The following ANK2 variants were observed in gnomAD, a reference collection of about 807,000 sequenced individuals.
ANK2 encodes ankyrin-2.
ANK2 carries 83 observed loss-of-function variants against 360.5 expected under a neutral mutation model. The ratio of observed to expected loss-of-function variants is 0.23; its 90% confidence interval spans 0.19 to 0.28. ANK2 has a LOEUF of 0.28. ANK2 is among the 10% of genes least tolerant of loss of function. The probability of loss-of-function intolerance (pLI) is 1.00; values close to 1 mark genes in which losing one functional copy is unlikely to be tolerated. For missense variants in ANK2, 4,201 were observed against 4,795.7 expected, an observed-to-expected ratio of 0.88 and a Z score of 3.66; for synonymous variants, 1,740 against 1,759.5, an observed-to-expected ratio of 0.99 and a Z score of 0.28.
intron 40 of ANK2, 148 bp from the exon 41 acceptor site, chr4:113,364,891 C>T (rs2154051829): frequency 9.8e-7 from 1 of 1,020,476 alleles, no homozygotes; most frequent in South Asian, 1.5e-5. Context: ...TCTCTTTTGT[C>T]TGTTGGCTTA....
intron 5 of ANK2, 63 bp from the exon 6 acceptor site, chr4:113,236,923 CT>C: frequency 6.6e-7 from 1 of 1,524,708 alleles, no homozygotes; most frequent in Non-Finnish European, 9.1e-7. Flanking sequence ...GGCATCATTG[CT>C]TAGAACTAAA....
In ANK2 at chr4:113,358,602, T is replaced by C. The variant is rs1554570983; in HGVS notation, c.9984T>C (p.Asp3328=). The C allele has an allele frequency of 6.2e-7, 1 of 1,614,014 alleles. No homozygotes were observed. Among genetic ancestry groups the C allele is most frequent in the South Asian group, 1.1e-5 (1 of 91,072 alleles). The change falls in exon 38 of 46, where the codon GAT becomes GAC. Residue 3328 remains aspartate, a synonymous_variant. Coordinates refer to ENST00000357077, the MANE Select transcript of ANK2 (RefSeq NM_001148.6). ...AGTATGAGAGTTCAGTTTCTGAAGA[T>C]TTTCTATCCAGTGTAGATGAGGAAA... ...SAEYESSVSE[D]FLSSVDEENK...
chr4:112,732,536 G>C, the ANK2 span, among the ~76,000 whole-genome samples: 3 of 152,120 alleles, frequency 2.0e-5, no homozygotes, highest in Non-Finnish European at 4.4e-5. Flanking sequence ...CCTGTGCCCA[G>C]CCAGAGTAGG....
intron 35 of ANK2, among the ~76,000 whole-genome samples, chr4:113,347,434 T>C (rs1199098104): frequency 3.9e-5 from 6 of 152,080 alleles, no homozygotes; most frequent in African/African-American, 1.4e-4. Context: ...GACAAAGAAA[T>C]ATGTACTGCT....
At chr4:112,828,468 C>T (rs993559688) in intron 1 of ANK2, among the ~76,000 whole-genome samples, 2 of 152,036 alleles carry the variant, frequency 1.3e-5, no homozygotes, top group Non-Finnish European at 2.9e-5. Flanking sequence ...TTCCTGACCT[C>T]GTGATCCACC....
intron 2 of ANK2, among the ~76,000 whole-genome samples, chr4:113,188,341 A>G (rs1490250593): frequency 2.6e-5 from 4 of 152,176 alleles, no homozygotes; most frequent in African/African-American, 9.7e-5. Context: ...ATACTTAGGA[A>G]GGTTCTAGTC....
intron 2 of ANK2, among the ~76,000 whole-genome samples, chr4:112,991,235 T>C (rs1330790859): frequency 8.1e-5 from 2 of 24,686 alleles, no homozygotes; most frequent in Non-Finnish European, 1.7e-4. Context: ...TGACAGAGCC[T>C]CAAAAAAAAA....
the ANK2 span, among the ~76,000 whole-genome samples, chr4:112,723,752 A>G: frequency 6.6e-6 from 1 of 152,156 alleles, no homozygotes; most frequent in African/African-American, 2.4e-5. Flanking sequence ...ATTGCCACCT[A>G]AGAGCATTTC....
intron 17 of ANK2, among the ~76,000 whole-genome samples, chr4:113,280,940 G>A (rs1455959570): frequency 6.6e-6 from 1 of 150,936 alleles, no homozygotes; most frequent in East Asian, 1.9e-4. Context: ...ACAAAAATCT[G>A]TGTGTCCTTT....
chr4:112,973,635 A>T (rs2040369076), intron 2 of ANK2, among the ~76,000 whole-genome samples: 1 of 152,228 alleles, frequency 6.6e-6, no homozygotes, highest in African/African-American at 2.4e-5. Context: ...ATGCAAACTT[A>T]ATAAGCATGT....
At chr4:113,059,169 C>T (rs1013559082) in intron 1 of ANK2, among the ~76,000 whole-genome samples, 3 of 152,142 alleles carry the variant, frequency 2.0e-5, no homozygotes, top group South Asian at 4.1e-4. Flanking sequence ...GATTAGATTT[C>T]GACTTAGGGA....
At chr4:112,747,182 G>A in the ANK2 span, among the ~76,000 whole-genome samples, 1 of 152,212 alleles carries the variant, frequency 6.6e-6, no homozygotes, top group African/African-American at 2.4e-5. Flanking sequence ...ACTCTGTGGG[G>A]ATTTTCAAAG....
At chr4:113,338,834 T>C (rs757787820) in intron 31 of ANK2, among the ~76,000 whole-genome samples, 13 of 151,972 alleles carry the variant, frequency 8.6e-5, no homozygotes, top group South Asian at 2.1e-4. Flanking sequence ...CAGGCATGAG[T>C]CACCGCGCCC....
chr4:113,255,607 C>G (rs2048872312), intron 10 of ANK2, 128 bp from the exon 11 acceptor site: 4 of 896,676 alleles, frequency 4.5e-6, no homozygotes, highest in Non-Finnish European at 7.0e-6. Context: ...ATTCTGATGT[C>G]AAATGGAAAT....
chr4:113,120,939 CACAG>C (rs1191533655), intron 1 of ANK2, among the ~76,000 whole-genome samples: 4 of 152,162 alleles, frequency 2.6e-5, no homozygotes, highest in Admixed American at 6.5e-5. Context: ...CATTTCTCAG[CACAG>C]ACAAACTATT....
At chr4:112,779,567 C>T in the ANK2 span, among the ~76,000 whole-genome samples, 2 of 152,026 alleles carry the variant, frequency 1.3e-5, no homozygotes, top group African/African-American at 2.4e-5. Context: ...CAAAGAAGTA[C>T]ATAGATTTCT....
intron 1 of ANK2, among the ~76,000 whole-genome samples, chr4:112,831,740 G>T (rs1340446444): frequency 6.6e-6 from 1 of 152,136 alleles, no homozygotes; most frequent in African/African-American, 2.4e-5. Context: ...CAGTCTTTGG[G>T]TCCACGCCAC....
chr4:112,854,063 C>T (rs1015193443), intron 1 of ANK2, among the ~76,000 whole-genome samples: 7 of 151,960 alleles, frequency 4.6e-5, no homozygotes, highest in South Asian at 2.1e-4. Flanking sequence ...GACAATAGTG[C>T]GTTACAGGGA....
intron 2 of ANK2, among the ~76,000 whole-genome samples, chr4:113,190,688 T>C (rs908367003): frequency 6.6e-6 from 1 of 152,144 alleles, no homozygotes; most frequent in Non-Finnish European, 1.5e-5. Flanking sequence ...GGTTTAAAAG[T>C]GCAGTTTCTG....
Sources: allele counts gnomAD v4.1 joint callset (sites outside exome capture counted in the v4.1 genomes callset), GRCh38; gene constraint gnomAD v4.1.1; transcripts MANE v1.5; gene names NCBI Gene and HGNC (gene_info 2026-07-23, HGNC 2026-07-21).